Variants in CPD observed in about 807,000 individuals in gnomAD.
The protein encoded by CPD is carboxypeptidase D, also known as metallocarboxypeptidase D.
In CPD, 69 loss-of-function variants were observed where a neutral mutation model predicts 138.3. The observed-to-expected ratio is 0.50, with a 90% confidence interval of 0.41 to 0.61. The LOEUF (loss-of-function observed/expected upper bound fraction) is 0.61. CPD is among the 20% of genes least tolerant of loss of function. CPD has a pLI of 0.00. For missense variants in CPD, 1,432 were observed against 1,733.3 expected (o/e 0.83, Z 3.09); for synonymous variants, 651 against 642.1 (o/e 1.01, Z -0.21).
chr17:30,416,416 T>C (rs1303341311), intron 2 of CPD, among the ~76,000 whole-genome samples: 1 of 152,242 alleles, frequency 6.6e-6, no homozygotes, highest in Non-Finnish European at 1.5e-5. Flanking sequence ...TAAAAATGGT[T>C]AATATGGTGA....
In CPD at chr17:30,469,049, T is replaced by A. The variant is rs1913718982; in HGVS notation, c.*4235T>A. 1 of 152,180 alleles carries A rather than the reference T, an allele frequency of 6.6e-6. No individual in the cohort carries two copies. Among genetic ancestry groups the A allele is most frequent in the Admixed American group, 6.5e-5 (1 of 15,284 alleles). The allele number at this position is 152,180 out of a possible 1,614,324, so 9.4% of individuals were successfully genotyped here. A position where few individuals can be genotyped will look rare whatever the true frequency, so the allele number is the denominator to read the frequency against. On this transcript the variant is annotated 3_prime_UTR_variant, in exon 21 of 21. Transcript: ENST00000225719. The stretch of plus-strand genomic sequence containing the variant: ...GTCCTTTTTCCAGGTGAGGCCCAGT[T>A]AGAATAATGTGTCCCGGCACTTTTA...
At chr17:30,426,411 T>C (rs1433310718) in intron 6 of CPD, among the ~76,000 whole-genome samples, 1 of 152,152 alleles carries the variant, frequency 6.6e-6, no homozygotes, top group Non-Finnish European at 1.5e-5. Flanking sequence ...GACAAGGGAC[T>C]AGAGAATGGG....
Position 30,422,728 on chromosome 17 carries a change from G to C in CPD, c.1362G>C (p.Glu454Asp). Reference sequence around the variant, plus strand: ...TGGTGAAAGAAGGACCAGCCACAGAGGTGGATTTTTCTCTTAGGCCAACTG... The same window carrying C: ...TGGTGAAAGAAGGACCAGCCACAGACGTGGATTTTTCTCTTAGGCCAACTG... ...NVVVKEGPAT[E>D]VDFSLRPTVT... is the part of the protein sequence containing the mutation. Residue 454 changes from glutamate (E) to aspartate (D), a missense_variant, in exon 5 of 21, where the codon GAG becomes GAC. Glu to Asp is a conservative substitution (Grantham distance 45). Coordinates refer to ENST00000225719, the MANE Select transcript of CPD (RefSeq NM_001304.5). 3 of 1,613,988 alleles carry C rather than the reference G, an allele frequency of 1.9e-6. No individual in the cohort carries two copies. The highest frequency in any genetic ancestry group is 1.7e-6 in the Non-Finnish European group (2 of 1,179,926).
At chr17:30,447,278 A>G (rs7212682) in intron 12 of CPD, among the ~76,000 whole-genome samples, 74,748 of 151,920 alleles carry the variant, frequency 0.49, 18,872 homozygotes, top group East Asian at 0.83. Flanking sequence ...GGTATTGCCT[A>G]GGTTTTCTTC....
chr17:30,451,288 A>C (rs1300223711), intron 13 of CPD, among the ~76,000 whole-genome samples: 1 of 152,222 alleles, frequency 6.6e-6, no homozygotes, highest in African/African-American at 2.4e-5. Context: ...AACTTAAATC[A>C]GACTGACCAA....
intron 13 of CPD, 115 bp from the exon 14 acceptor site, chr17:30,451,596 C>A: frequency 1.1e-6 from 1 of 934,426 alleles, no homozygotes; most frequent in Non-Finnish European, 1.6e-6. Flanking sequence ...CATCTTAGTT[C>A]TGTCTTTTAA....
At chr17:30,399,814 A>AC (rs1363630062) in intron 2 of CPD, among the ~76,000 whole-genome samples, 9 of 152,066 alleles carry the variant, frequency 5.9e-5, no homozygotes, top group African/African-American at 1.9e-4. Context: ...AAATGGTGAA[A>AC]CCCCATCTCT....
intron 8 of CPD, among the ~76,000 whole-genome samples, chr17:30,438,180 A>G (rs911454975): frequency 7.2e-5 from 11 of 151,984 alleles, no homozygotes; most frequent in Admixed American, 7.2e-4. Flanking sequence ...TGTGGTAGAA[A>G]AATGGGAAAT....
chr17:30,433,499 A>G (rs1255937526), intron 8 of CPD, among the ~76,000 whole-genome samples: 1 of 152,072 alleles, frequency 6.6e-6, no homozygotes, highest in Non-Finnish European at 1.5e-5. Context: ...GGTCTTGTAC[A>G]CCCCTTTGAC....
chr17:30,399,917 G>A (rs1409005078), intron 2 of CPD, among the ~76,000 whole-genome samples: 2 of 152,116 alleles, frequency 1.3e-5, no homozygotes, highest in African/African-American at 2.4e-5. Flanking sequence ...TAGGAAACCG[G>A]GAGGCAGAGG....
At chr17:30,388,631 G>A (rs969860232) in intron 2 of CPD, among the ~76,000 whole-genome samples, 5 of 152,196 alleles carry the variant, frequency 3.3e-5, no homozygotes, top group African/African-American at 1.2e-4. Flanking sequence ...GGTAAGGGGG[G>A]CCTAGGAGGT....
intron 6 of CPD, among the ~76,000 whole-genome samples, chr17:30,425,123 C>T (rs1251126561): frequency 8.4e-6 from 1 of 118,520 alleles, no homozygotes; most frequent in African/African-American, 2.8e-5. Context: ...TTTCTTTAGT[C>T]TCTTGCAATT....
intron 7 of CPD, among the ~76,000 whole-genome samples, chr17:30,429,041 A>T (rs1422334936): frequency 6.6e-6 from 1 of 152,196 alleles, no homozygotes; most frequent in African/African-American, 2.4e-5. Context: ...GGATATTTAG[A>T]TTTAGGAGGT....
intron 17 of CPD, among the ~76,000 whole-genome samples, chr17:30,458,594 C>T (rs544288410): frequency 2.7e-4 from 41 of 152,128 alleles, no homozygotes; most frequent in African/African-American, 9.4e-4. Context: ...GGGCTTGGCA[C>T]GGTGGCTCAG....
intron 2 of CPD, among the ~76,000 whole-genome samples, chr17:30,396,387 C>A (rs1480090495): frequency 2.0e-5 from 3 of 150,494 alleles, no homozygotes; most frequent in African/African-American, 7.3e-5. Flanking sequence ...AAAAAAAAAA[C>A]AAAAAAAACT....
chr17:30,379,170 T>G lies in CPD; in HGVS notation c.190T>G (p.Leu64Val). ...QFDRYYHEEE[L>V]ESALREAAAA... ...CGACCGCTACTACCACGAAGAGGAGTTGGAGTCGGCGCTGAGGGAGGCGGC... is the reference window on the plus strand; with the variant it reads ...CGACCGCTACTACCACGAAGAGGAGGTGGAGTCGGCGCTGAGGGAGGCGGC... The change falls in exon 1 of 21, where the codon TTG becomes GTG. Residue 64 changes from leucine to valine, a missense_variant. Around this residue, in one of 6 missense-constraint regions of CPD, gnomAD observed 484 missense variants for 477.2 expected, o/e 1.01. Transcript: ENST00000225719. The surrounding 1 kb of genome is among the most constrained non-coding windows in gnomAD (Gnocchi z 7.0). The G allele has an allele frequency of 6.5e-7, 1 of 1,533,940 alleles. No individual in the cohort carries two copies. The highest frequency in any genetic ancestry group is 8.7e-7 in the Non-Finnish European group (1 of 1,143,820).
chr17:30,427,283 C>A (rs1912441340), intron 6 of CPD, 108 bp from the exon 7 acceptor site: 2 of 892,530 alleles, frequency 2.2e-6, no homozygotes, highest in Non-Finnish European at 1.8e-6. Flanking sequence ...AATAGCGAAG[C>A]CTGATGTGTT....
Position 30,442,469 on chromosome 17 carries a change from AG to A in CPD, c.2373+20del, listed in dbSNP as rs1912902704. 1.9e-6 allele frequency: 3 copies of A among 1,604,890 alleles called. No homozygotes were observed. The highest frequency in any genetic ancestry group is 2.6e-6 in the Non-Finnish European group (3 of 1,173,140). ...GAAACAGGTGACTATTCAGGAGTGA[AG>A]TATGAAATTTCTCCCGAGGGTGAAA... is the stretch of plus-strand genomic sequence containing the variant. On this transcript the variant is annotated intron_variant, in intron 10 of 20. Coordinates refer to ENST00000225719, the MANE Select transcript of CPD (RefSeq NM_001304.5).
chr17:30,381,219 C>T (rs1186152335), intron 1 of CPD, among the ~76,000 whole-genome samples: 2 of 152,082 alleles, frequency 1.3e-5, no homozygotes, highest in African/African-American at 4.8e-5. Flanking sequence ...CTTTGACATA[C>T]ACTTATTGAC....
Sources: allele counts gnomAD v4.1 joint callset (sites outside exome capture counted in the v4.1 genomes callset), GRCh38; gene constraint gnomAD v4.1.1; regional missense constraint gnomAD v4.1.1; non-coding constraint Gnocchi (gnomAD v3.1); transcripts MANE v1.5; gene names NCBI Gene and HGNC (gene_info 2026-07-23, HGNC 2026-07-21).